Variants in PRKCQ observed in about 807,000 individuals in gnomAD.
The protein encoded by PRKCQ is protein kinase C theta type.
In PRKCQ, 41 loss-of-function variants were observed where a neutral mutation model predicts 91.2. The ratio of observed to expected loss-of-function variants is 0.45; its 90% CI spans 0.35 to 0.58. The LOEUF (loss-of-function observed/expected upper bound fraction) is 0.58. PRKCQ is among the 20% of genes least tolerant of loss of function. PRKCQ has a pLI of 0.00. For missense variants in PRKCQ, 673 were observed against 896.5 expected, an observed-to-expected ratio of 0.75 and a Z score of 3.18; for synonymous variants, 307 against 316.9, an observed-to-expected ratio of 0.97 and a Z score of 0.33.
At position 6,470,560 on chromosome 10, in the gene PRKCQ, T is replaced by C. The variant is rs574903859; in HGVS notation, c.1354-6156A>G. 1.2e-4 allele frequency among the ~76,000 whole-genome samples: 19 copies of C among 152,322 alleles called. No homozygotes were observed. In the Middle Eastern group the frequency reaches 0.01, roughly 82 times the overall value. On this transcript the variant is annotated intron_variant, in intron 12 of 17. Transcript: ENST00000263125. ...ACTGCTCTATGCTATTTATCAGATA[T>C]TTCTCTAAGACTGGTGGTGGAGAAG...
At chr10:6,441,681 T>C (rs1190985720) in intron 16 of PRKCQ, among the ~76,000 whole-genome samples, 1 of 152,208 alleles carries the variant, frequency 6.6e-6, no homozygotes, top group Non-Finnish European at 1.5e-5. Context: ...TTATAACTGA[T>C]GCACATGAGG....
chr10:6,526,216 T>C (rs1266389200), intron 1 of PRKCQ, among the ~76,000 whole-genome samples: 2 of 152,340 alleles, frequency 1.3e-5, no homozygotes, highest in African/African-American at 4.8e-5. Context: ...TTGGTATTTA[T>C]GACCTAATGT....
At chr10:6,441,851 T>TA in intron 16 of PRKCQ, 42 bp downstream of exon 16, 1 of 1,547,380 alleles carries the variant, frequency 6.5e-7, no homozygotes, top group Non-Finnish European at 8.8e-7. Flanking sequence ...CCAGAAGACC[T>TA]AATGCTCGTC....
chr10:6,397,188 C>T, the PRKCQ span, among the ~76,000 whole-genome samples: 2 of 152,150 alleles, frequency 1.3e-5, no homozygotes, highest in Non-Finnish European at 1.5e-5. Context: ...GTTCTGCCTC[C>T]CGGGTTCAAG....
At chr10:6,559,108 A>G (rs781184718) in intron 1 of PRKCQ, among the ~76,000 whole-genome samples, 1 of 152,232 alleles carries the variant, frequency 6.6e-6, no homozygotes, top group Non-Finnish European at 1.5e-5. Context: ...TAAAAAGTTA[A>G]GGTTTAAAAA....
At chr10:6,397,695 T>TA in the PRKCQ span, among the ~76,000 whole-genome samples, 2 of 152,252 alleles carry the variant, frequency 1.3e-5, no homozygotes, top group Non-Finnish European at 2.9e-5. Context: ...GAGGCCAAGG[T>TA]GGGTGGATCA....
At chr10:6,415,415 T>C in the PRKCQ span, among the ~76,000 whole-genome samples, 4 of 8,386 alleles carry the variant, frequency 4.8e-4, no homozygotes, top group African/African-American at 8.6e-4. Context: ...CATATATATA[T>C]ATATATATAT....
intron 7 of PRKCQ, 134 bp from the exon 8 acceptor site, chr10:6,491,946 G>T (rs1837329329): frequency 3.1e-6 from 4 of 1,307,158 alleles, no homozygotes; most frequent in African/African-American, 1.5e-5. Context: ...AACCATCATT[G>T]TCACTTGTCA....
chr10:6,523,913 C>G (rs945145338), intron 1 of PRKCQ, among the ~76,000 whole-genome samples: 2 of 152,178 alleles, frequency 1.3e-5, no homozygotes, highest in Non-Finnish European at 2.9e-5. Context: ...AGTGGAGTCC[C>G]AGCTTCTTAA....
At chr10:6,395,086 G>A in the PRKCQ span, among the ~76,000 whole-genome samples, 3 of 116,108 alleles carry the variant, frequency 2.6e-5, no homozygotes, top group Non-Finnish European at 5.2e-5. Flanking sequence ...TTTTTGAGAC[G>A]GAGTCTCGCT....
chr10:6,532,424 C>T (rs1564377664), intron 1 of PRKCQ, among the ~76,000 whole-genome samples: 2 of 152,200 alleles, frequency 1.3e-5, no homozygotes, highest in African/African-American at 4.8e-5. Flanking sequence ...TATTTTGTGA[C>T]AAGAGACATT....
At chr10:6,406,904 C>T in the PRKCQ span, among the ~76,000 whole-genome samples, 1 of 152,186 alleles carries the variant, frequency 6.6e-6, no homozygotes, top group Non-Finnish European at 1.5e-5. Context: ...AGTACAGAAA[C>T]ATGCATTTTC....
chr10:6,461,107 C>CATT (rs747535787), intron 14 of PRKCQ, among the ~76,000 whole-genome samples: 18 of 100,508 alleles, frequency 1.8e-4, no homozygotes, highest in African/African-American at 5.8e-4. Flanking sequence ...ATTTATCCAT[C>CATT]CATCCATCCA....
intron 1 of PRKCQ, among the ~76,000 whole-genome samples, chr10:6,563,124 C>T (rs1264419336): frequency 6.6e-6 from 1 of 152,056 alleles, no homozygotes; most frequent in African/African-American, 2.4e-5. Context: ...CACAGTTTCA[C>T]TTTAAAGGCA....
chr10:6,421,198 T>C, the PRKCQ span, among the ~76,000 whole-genome samples: 1 of 152,146 alleles, frequency 6.6e-6, no homozygotes, highest in East Asian at 1.9e-4. This position sits in a 1 kb window ranked among gnomAD's most constrained non-coding sequence, Gnocchi z 4.1. Context: ...ATAATAATTG[T>C]TGTAGCCTGG....
intron 1 of PRKCQ, among the ~76,000 whole-genome samples, chr10:6,561,644 C>T (rs1036474162): frequency 5.3e-5 from 8 of 150,236 alleles, no homozygotes; most frequent in African/African-American, 1.5e-4. Flanking sequence ...GAATAGATTA[C>T]TTTTTTAAAT....
At chr10:6,544,351 C>G (rs1171382583) in intron 1 of PRKCQ, among the ~76,000 whole-genome samples, 1 of 152,148 alleles carries the variant, frequency 6.6e-6, no homozygotes, top group South Asian at 2.1e-4. Flanking sequence ...TGTTTAATGA[C>G]CTGGTCACAC....
chr10:6,481,716 C>A (rs896529377), intron 11 of PRKCQ, among the ~76,000 whole-genome samples: 1 of 152,158 alleles, frequency 6.6e-6, no homozygotes, highest in Non-Finnish European at 1.5e-5. Flanking sequence ...AGACATCCTG[C>A]CAAAGTCTGG....
In PRKCQ at chr10:6,453,279, C is replaced by T. The variant is rs540527676; in HGVS notation, c.1647+3395G>A. On this transcript the variant is annotated intron_variant, in intron 15 of 17. Coordinates refer to ENST00000263125, the MANE Select transcript of PRKCQ (RefSeq NM_006257.5). Reference sequence around the variant, plus strand: ...GCGAAGGATATGAACAGACACTTCTCAAAAGAAGACATTTATGCAGCCAAA... The same window carrying T: ...GCGAAGGATATGAACAGACACTTCTTAAAAGAAGACATTTATGCAGCCAAA... Among the ~76,000 whole-genome samples the T allele has an allele frequency of 2.0e-5, 3 of 152,136 alleles. No individual in the cohort carries two copies. The East Asian group carries it at 5.8e-4, about 29-fold the overall frequency.
Sources: gnomAD v4.1 joint callset for allele counts (sites outside exome capture counted in the v4.1 genomes callset) on GRCh38, gnomAD v4.1.1 for gene constraint, Gnocchi (gnomAD v3.1) non-coding constraint, MANE v1.5 for transcripts, NCBI Gene and HGNC (gene_info 2026-07-23, HGNC 2026-07-21) for gene names.